TRDMT1: variants seen among roughly 807,000 people sequenced by gnomAD.
The protein encoded by TRDMT1 is tRNA aspartic acid methyltransferase 1, also known as tRNA (cytosine(38)-C(5))-methyltransferase.
Under a neutral mutation model 51.2 loss-of-function variants are expected in TRDMT1, and 49 were observed. The ratio of observed to expected loss-of-function variants is 0.96; its 90% CI spans 0.76 to 1.21. TRDMT1 has a LOEUF of 1.21. Ranked by LOEUF, TRDMT1 falls within the 50% of genes most tolerant of loss-of-function variation. TRDMT1 has a pLI of 0.00. For synonymous variants in TRDMT1, 187 were observed against 164.6 expected (o/e 1.14, Z -1.04); for missense variants, 534 against 462.3 (o/e 1.16, Z -1.42).
At chr10:17,152,832 TCTACAA>T (rs1209474533) in intron 10 of TRDMT1, 1 of 152,556 alleles carries the variant, frequency 6.6e-6, no homozygotes, top group African/African-American at 2.4e-5. Context: ...ACTTTCTCAC[TCTACAA>T]CTAAATCTTC....
Position 17,143,798 on chromosome 10 carries a change from T to A in TRDMT1, c.*5242A>T. ...AGAGTGAGAAGGAAGGTGAAGATGA[T>A]CTTTGGTTATGAAGCTTGAACTTGG... On this transcript the variant is annotated 3_prime_UTR_variant, in exon 11 of 11. Coordinates refer to ENST00000377799, the MANE Select transcript of TRDMT1 (RefSeq NM_004412.7). 2.0e-6 allele frequency: 2 copies of A among 985,426 alleles called. No homozygotes were observed. The highest frequency in any genetic ancestry group is 2.4e-6 in the Non-Finnish European group (2 of 829,934). 61.0% of individuals were successfully genotyped at this position (985,426 alleles called of 1,614,324 possible).
chr10:17,165,911 A>G (rs1841135560), intron 3 of TRDMT1, among the ~76,000 whole-genome samples: 1 of 152,208 alleles, frequency 6.6e-6, no homozygotes, highest in Non-Finnish European at 1.5e-5. Context: ...GAACACTTTT[A>G]CACTGTTGGT....
chr10:17,159,233 T>TAAGCA lies in TRDMT1; in HGVS notation c.460-9_460-5dup. ...GCCTTGAATTTGGAATGCCAAGCTGTAAGCAAAGCAAAGCAGTTAGTTACT... is the reference window on the plus strand; with the variant it reads ...GCCTTGAATTTGGAATGCCAAGCTGTAAGCAAAGCAAAGCAAAGCAGTTAGTTACT... On this transcript the variant is annotated splice_region_variant and splice_polypyrimidine_tract_variant and intron_variant, in intron 6 of 10. Coordinates refer to ENST00000377799, the MANE Select transcript of TRDMT1 (RefSeq NM_004412.7). The TAAGCA allele has an allele frequency of 7.5e-6, 12 of 1,594,100 alleles. No homozygotes were observed. The highest frequency in any genetic ancestry group is 1.0e-5 in the Non-Finnish European group (12 of 1,170,594).
At chr10:17,151,452 T>C (rs2131374913) in intron 10 of TRDMT1, 3 of 969,440 alleles carry the variant, frequency 3.1e-6, no homozygotes, top group Admixed American at 6.2e-5. Flanking sequence ...AGATCCATCA[T>C]TGCCAGTAGA....
intron 8 of TRDMT1, among the ~76,000 whole-genome samples, chr10:17,154,994 T>C (rs1016592252): frequency 9.2e-5 from 12 of 129,954 alleles, no homozygotes; most frequent in Non-Finnish European, 1.6e-4. Context: ...CCCAGGCGGG[T>C]GGATCACCTG....
chr10:17,180,202 T>C (rs1843111206), intron 1 of TRDMT1, among the ~76,000 whole-genome samples: 1 of 152,198 alleles, frequency 6.6e-6, no homozygotes, highest in Admixed American at 6.5e-5. Flanking sequence ...TTAAAATAAC[T>C]ATTAAAGAAT....
intron 1 of TRDMT1, among the ~76,000 whole-genome samples, chr10:17,194,951 A>AGGC (rs1250352996): frequency 1.9e-5 from 2 of 103,132 alleles, no homozygotes; most frequent in Non-Finnish European, 4.2e-5. Context: ...AAAAAAGTCA[A>AGGC]AAAAAAAAAA....
At position 17,142,441 on chromosome 10, in the gene TRDMT1, G is replaced by C. The variant is rs1388550268; in HGVS notation, c.*6599C>G. ...AATGGTCCTTCATGATGCTACTTTAGGGAAAGAAGGATTTTCTCCCAAGCC... is the reference window on the plus strand; with the variant it reads ...AATGGTCCTTCATGATGCTACTTTACGGAAAGAAGGATTTTCTCCCAAGCC... On this transcript the variant is annotated 3_prime_UTR_variant, in exon 11 of 11. Coordinates refer to ENST00000377799, the MANE Select transcript of TRDMT1 (RefSeq NM_004412.7). The C allele has an allele frequency of 6.6e-6, 1 of 152,114 alleles. No individual in the cohort carries two copies. Among genetic ancestry groups the C allele is most frequent in the Non-Finnish European group, 1.5e-5 (1 of 68,050 alleles). 9.4% of individuals were successfully genotyped at this position (152,114 alleles called of 1,614,324 possible).
rs116448365 is a variant in TRDMT1 at position 17,144,552 on chromosome 10, A to C, written c.*4488T>G. On this transcript the variant is annotated 3_prime_UTR_variant, in exon 11 of 11. Coordinates refer to ENST00000377799, the MANE Select transcript of TRDMT1 (RefSeq NM_004412.7). ...AGTGCTGGATGTGGCTGAAAGTAAG[A>C]CTCAGAATCTATGGTAAATATAAAG... The C allele has an allele frequency of 1.7e-3, 1,687 of 985,736 alleles. 23 individuals carry two copies. The African/African-American group carries it at 0.027, about 16-fold the overall frequency. The allele number at this position is 985,736 out of a possible 1,614,324, so 61.1% of individuals were successfully genotyped here.
At chr10:17,166,892 T>C (rs771832732) in intron 3 of TRDMT1, among the ~76,000 whole-genome samples, 2 of 152,164 alleles carry the variant, frequency 1.3e-5, no homozygotes, top group Non-Finnish European at 2.9e-5. Context: ...GCCACACTCT[T>C]GCACGTGCCT....
In TRDMT1 at chr10:17,160,351, T is replaced by A. The variant is rs776712855; in HGVS notation, c.413A>T (p.Glu138Val). 3 of 1,565,566 alleles carry A rather than the reference T, an allele frequency of 1.9e-6. No individual in the cohort carries two copies. The highest frequency in any genetic ancestry group is 2.5e-5 in the South Asian group (2 of 81,592). Residue 138 changes from glutamate (E) to valine (V), a missense_variant, in exon 6 of 11, where the codon GAA becomes GTA. By Grantham distance (121) the Glu-to-Val change is moderately radical (BLOSUM62 -2). Transcript: ENST00000377799. ...STRDLLIQTI[E>V]NCGFQYQEFL... ...CTCTTGGTACTGAAAGCCACAATTT[T>A]CTATTGTTTGTATCAAGAGGTCTCT...
chr10:17,150,272 T>G (rs146920123), intron 10 of TRDMT1: 6 of 484,478 alleles, frequency 1.2e-5, no homozygotes, highest in Non-Finnish European at 1.6e-5. Context: ...CATTTATCTA[T>G]TCCTTTTGGA....
intron 1 of TRDMT1, 88 bp downstream of exon 1, chr10:17,201,483 C>G: frequency 1.1e-6 from 1 of 951,696 alleles, no homozygotes. Context: ...CCGCCCCTTG[C>G]GTCTCGCCGC....
rs567733123 is a variant in TRDMT1 at position 17,147,922 on chromosome 10, G to A, written c.*1118C>T. ...TCCAACAGCAGCTGAACCATTTTACGTTCCCACAAGCAATGCACAAACTTC... is the reference window on the plus strand; with the variant it reads ...TCCAACAGCAGCTGAACCATTTTACATTCCCACAAGCAATGCACAAACTTC... On this transcript the variant is annotated 3_prime_UTR_variant, in exon 11 of 11. Transcript: ENST00000377799. 186 of 907,790 alleles carry A rather than the reference G, an allele frequency of 2.0e-4. No individual in the cohort carries two copies. The African/African-American group carries it at 3.1e-3, about 15-fold the overall frequency. The allele number at this position is 907,790 out of a possible 1,614,324, so 56.2% of individuals were successfully genotyped here.
At chr10:17,175,638 G>C (rs1295951217) in intron 1 of TRDMT1, among the ~76,000 whole-genome samples, 2 of 149,616 alleles carry the variant, frequency 1.3e-5, no homozygotes, top group Non-Finnish European at 3.0e-5. Context: ...TTGATTAATA[G>C]TTAGCTGATT....
chr10:17,174,711 T>A (rs867610333), intron 1 of TRDMT1, 51 bp from the exon 2 acceptor site: 1 of 1,327,694 alleles, frequency 7.5e-7, no homozygotes, highest in Middle Eastern at 1.8e-4. Context: ...AAGTTCATTA[T>A]AGAAAGAAAT....
At chr10:17,173,570 A>G (rs1229439882) in intron 2 of TRDMT1, among the ~76,000 whole-genome samples, 1 of 152,150 alleles carries the variant, frequency 6.6e-6, no homozygotes, top group Non-Finnish European at 1.5e-5. Context: ...GGCACTAAGA[A>G]CAATTTAGCA....
In TRDMT1 at chr10:17,146,797, A is replaced by G; in HGVS notation, c.*2243T>C. 2.0e-6 allele frequency: 2 copies of G among 985,456 alleles called. No individual in the cohort carries two copies. Among genetic ancestry groups the G allele is most frequent in the Non-Finnish European group, 2.4e-6 (2 of 829,908 alleles). 61.0% of individuals were successfully genotyped at this position (985,456 alleles called of 1,614,324 possible). A position where few individuals can be genotyped will look rare whatever the true frequency, so the allele number is the denominator to read the frequency against. On this transcript the variant is annotated 3_prime_UTR_variant, in exon 11 of 11. Transcript: ENST00000377799. Reference sequence around the variant, plus strand: ...TACAGCATTATTACCAAAAGCATATAGCAGACATTCCATAAAATAACATTT... The same window carrying G: ...TACAGCATTATTACCAAAAGCATATGGCAGACATTCCATAAAATAACATTT...
intron 1 of TRDMT1, among the ~76,000 whole-genome samples, chr10:17,185,270 G>A (rs368952798): frequency 3.3e-5 from 5 of 152,102 alleles, no homozygotes; most frequent in Non-Finnish European, 5.9e-5. Flanking sequence ...TCGTCAGTGC[G>A]GCACTTCTCA....
Sources: allele counts gnomAD v4.1 joint callset (sites outside exome capture counted in the v4.1 genomes callset), GRCh38; gene constraint gnomAD v4.1.1; transcripts MANE v1.5; gene names NCBI Gene and HGNC (gene_info 2026-07-23, HGNC 2026-07-21).